NR6A1: variants seen among roughly 807,000 people sequenced by gnomAD.
NR6A1 encodes retinoic acid receptor-related testis-associated receptor.
In NR6A1, 7 loss-of-function variants were observed where a neutral mutation model predicts 59.1. That is an observed-to-expected ratio of 0.12 (90% CI 0.07 to 0.22). The LOEUF is 0.22. Ranked by LOEUF, NR6A1 falls within the 10% of genes least tolerant of loss-of-function variation. The pLI is 1.00. For missense variants in NR6A1, 468 were observed against 611.6 expected (o/e 0.77, Z 2.48); for synonymous variants, 243 against 236.1 (o/e 1.03, Z -0.27).
At chr9:124,719,564 CG>C in intron 2 of NR6A1, among the ~76,000 whole-genome samples, 1 of 152,142 alleles carries the variant, frequency 6.6e-6, no homozygotes, top group African/African-American at 2.4e-5. Context: ...TAGCAGGAAA[CG>C]TAAATGGGTA....
chr9:124,643,286 C>A (rs955193445), intron 2 of NR6A1, among the ~76,000 whole-genome samples: 4 of 151,780 alleles, frequency 2.6e-5, no homozygotes, highest in Admixed American at 6.6e-5. Context: ...ATAGTGAGAC[C>A]CTGTCTCTAT....
chr9:124,554,235 G>C (rs1041692359), intron 3 of NR6A1, 93 bp downstream of exon 3: 7 of 1,579,748 alleles, frequency 4.4e-6, no homozygotes, highest in Admixed American at 3.4e-5. Flanking sequence ...CTGATATGTA[G>C]TGCAAGCTTG....
chr9:124,523,677 TGAGACAAACTGTCA>T (rs1564162138), intron 9 of NR6A1, among the ~76,000 whole-genome samples: 2 of 152,148 alleles, frequency 1.3e-5, no homozygotes, highest in African/African-American at 4.8e-5. Flanking sequence ...TAGAAAATAC[TGAGACAAACTGTCA>T]AAATATCCCT....
intron 3 of NR6A1, among the ~76,000 whole-genome samples, chr9:124,550,211 T>C (rs1250191913): frequency 1.3e-5 from 2 of 152,126 alleles, no homozygotes; most frequent in African/African-American, 2.4e-5. Flanking sequence ...TAAAGTTATG[T>C]CTGTCAGAAT....
intron 2 of NR6A1, among the ~76,000 whole-genome samples, chr9:124,609,406 A>C (rs939828351): frequency 6.6e-6 from 1 of 152,150 alleles, no homozygotes; most frequent in East Asian, 1.9e-4. Flanking sequence ...TTTATTGAAG[A>C]TCAGATGGTT....
At chr9:124,663,650 T>C (rs1837517057) in intron 2 of NR6A1, among the ~76,000 whole-genome samples, 2 of 152,170 alleles carry the variant, frequency 1.3e-5, no homozygotes, top group Non-Finnish European at 2.9e-5. Context: ...CTGTTCATCG[T>C]CTGAGACCAC....
intron 2 of NR6A1, among the ~76,000 whole-genome samples, chr9:124,575,017 T>C (rs1029767158): frequency 1.3e-5 from 2 of 152,212 alleles, no homozygotes; most frequent in Non-Finnish European, 2.9e-5. Context: ...GCTAGGTCTT[T>C]GCACGAAACA....
chr9:124,678,555 T>C (rs569303151), intron 2 of NR6A1, among the ~76,000 whole-genome samples: 8 of 152,252 alleles, frequency 5.3e-5, no homozygotes, highest in Admixed American at 2.0e-4. Flanking sequence ...GTTGGAAGCA[T>C]TTACTAAGAT....
chr9:124,770,876 G>C, intron 1 of NR6A1, 144 bp downstream of exon 1: 1 of 419,180 alleles, frequency 2.4e-6, no homozygotes, highest in Non-Finnish European at 4.1e-6. Flanking sequence ...CGCCAACGGG[G>C]AACGGGGTGA....
chr9:124,679,465 C>A (rs1207036759), intron 2 of NR6A1, among the ~76,000 whole-genome samples: 4 of 152,144 alleles, frequency 2.6e-5, no homozygotes, highest in Admixed American at 6.5e-5. Flanking sequence ...CCGCACCTGC[C>A]CCCTGATTAT....
intron 7 of NR6A1, among the ~76,000 whole-genome samples, chr9:124,534,072 CT>C (rs113862423): frequency 0.081 from 11,022 of 135,506 alleles, 807 homozygotes; most frequent in African/African-American, 0.23. Context: ...CATTATAAGA[CT>C]TTTTTTTTTT....
chr9:124,727,613 A>G (rs1839757749), intron 2 of NR6A1, among the ~76,000 whole-genome samples: 1 of 152,228 alleles, frequency 6.6e-6, no homozygotes, highest in African/African-American at 2.4e-5. Flanking sequence ...TCAGCAGGCC[A>G]GCAAGCAATT....
chr9:124,694,901 G>C (rs1439596272), intron 2 of NR6A1, among the ~76,000 whole-genome samples: 1 of 152,142 alleles, frequency 6.6e-6, no homozygotes, highest in African/African-American at 2.4e-5. Context: ...AGAAAACTAT[G>C]AGAGTTCAGA....
At chr9:124,680,234 C>T (rs962379333) in intron 2 of NR6A1, among the ~76,000 whole-genome samples, 7 of 152,052 alleles carry the variant, frequency 4.6e-5, no homozygotes, top group Admixed American at 3.3e-4. Context: ...GCACTATTAA[C>T]CTCTGCATCT....
chr9:124,572,138 G>A (rs550143451), intron 2 of NR6A1, among the ~76,000 whole-genome samples: 1 of 152,260 alleles, frequency 6.6e-6, no homozygotes, highest in South Asian at 2.1e-4. Flanking sequence ...ACAGGCTGAG[G>A]GACGAGGCAA....
At chr9:124,736,461 T>C (rs1840022253) in intron 1 of NR6A1, among the ~76,000 whole-genome samples, 1 of 152,206 alleles carries the variant, frequency 6.6e-6, no homozygotes. Flanking sequence ...CAGACTTCTA[T>C]TCAAAGGCCA....
At chr9:124,598,921 G>A (rs1387731514) in intron 2 of NR6A1, 13 of 700,400 alleles carry the variant, frequency 1.9e-5, no homozygotes, top group Non-Finnish European at 3.2e-5. Flanking sequence ...CTGGCTTGGG[G>A]CACTCGTCGT....
In NR6A1 at chr9:124,684,730, C is replaced by T. The variant is rs1421328784; in HGVS notation, c.142+48578G>A. Among the ~76,000 whole-genome samples, 5 of 152,316 alleles carry T rather than the reference C, an allele frequency of 3.3e-5. No individual in the cohort carries two copies. In the East Asian group the frequency reaches 7.7e-4, roughly 23 times the overall value. On this transcript the variant is annotated intron_variant, in intron 2 of 9. Coordinates refer to ENST00000487099, the MANE Select transcript of NR6A1 (RefSeq NM_033334.4). Reference sequence around the variant, plus strand: ...AAGTGTAGCAGCAGCTGATAAATGTCAGACCCTGGAGGACCATCACAGAGT... The same window carrying T: ...AAGTGTAGCAGCAGCTGATAAATGTTAGACCCTGGAGGACCATCACAGAGT...
intron 2 of NR6A1, among the ~76,000 whole-genome samples, chr9:124,663,131 T>C (rs559162789): frequency 2.2e-3 from 333 of 152,300 alleles, no homozygotes; most frequent in Non-Finnish European, 2.8e-3. Flanking sequence ...AGTAATGAAT[T>C]GGCAAAACAC....
Sources: gnomAD v4.1 joint callset for allele counts (sites outside exome capture counted in the v4.1 genomes callset) on GRCh38, gnomAD v4.1.1 for gene constraint, MANE v1.5 for transcripts, NCBI Gene and HGNC (gene_info 2026-07-23, HGNC 2026-07-21) for gene names.